Variants in ACSL6 observed in about 807,000 individuals in gnomAD.
ACSL6 encodes the protein long-chain-fatty-acid--CoA ligase 6.
ACSL6 carries 47 observed loss-of-function variants against 98.2 expected under a neutral mutation model. That is an observed-to-expected ratio of 0.48 (90% CI 0.38 to 0.61). ACSL6 has a LOEUF of 0.61. ACSL6 is among the 20% of genes least tolerant of loss of function. The probability of loss-of-function intolerance (pLI) is 0.00; values close to 1 mark genes in which losing one functional copy is unlikely to be tolerated. For missense variants in ACSL6, 761 were observed against 913.4 expected, an observed-to-expected ratio of 0.83 and a Z score of 2.15; for synonymous variants, 362 against 336.9, an observed-to-expected ratio of 1.07 and a Z score of -0.82.
chr5:131,971,757 G>A, intron 13 of ACSL6, 112 bp from the exon 14 acceptor site: 1 of 842,220 alleles, frequency 1.2e-6, no homozygotes, highest in Non-Finnish European at 1.8e-6. Flanking sequence ...CTGGATGCTA[G>A]GGCTGGGATC....
At chr5:131,971,289 G>C (rs1262980391) in intron 14 of ACSL6, among the ~76,000 whole-genome samples, 1 of 152,164 alleles carries the variant, frequency 6.6e-6, no homozygotes, top group Non-Finnish European at 1.5e-5. Context: ...TGGTTTGTCT[G>C]ATCCCTTTGC....
At chr5:132,011,894 C>T (rs1225846698), upstream of ACSL6, 5 of 1,551,048 alleles carry the variant, frequency 3.2e-6, no homozygotes, top group Admixed American at 9.8e-5. This position sits in a 1 kb window ranked among gnomAD's most constrained non-coding sequence, Gnocchi z 5.4. Context: ...CTCTCCGGCC[C>T]CGCTCTCCAA....
intron 5 of ACSL6, 49 bp from the exon 6 acceptor site, chr5:131,988,953 G>C: frequency 1.3e-6 from 2 of 1,544,032 alleles, no homozygotes; most frequent in Non-Finnish European, 8.9e-7. Context: ...AGATTAGAGG[G>C]CTGTCCTGCC....
At chr5:131,968,324 G>A in intron 15 of ACSL6, 2 of 267,746 alleles carry the variant, frequency 7.5e-6, no homozygotes, top group Non-Finnish European at 7.0e-6. Flanking sequence ...TAGGATGGGG[G>A]GCATCAAACA....
In ACSL6 at chr5:131,994,142, G is replaced by A; in HGVS notation, c.159C>T (p.Thr53=). The change falls in exon 2 of 21, where the codon ACC becomes ACT. Residue 53 remains threonine, a synonymous_variant. Coordinates refer to ENST00000651883, the MANE Select transcript of ACSL6 (RefSeq NM_001009185.3). ...LGQFFRSLSA[T]TLVSMGALAA... ...CCAGGGCACCCATACTCACGAGGGTGGTGGCCGAGAGGCTGCGGAAAAACT... is the reference window on the plus strand; with the variant it reads ...CCAGGGCACCCATACTCACGAGGGTAGTGGCCGAGAGGCTGCGGAAAAACT... 2 of 1,614,242 alleles carry A rather than the reference G, an allele frequency of 1.2e-6. No individual in the cohort carries two copies. The highest frequency in any genetic ancestry group is 1.6e-4 in the Middle Eastern group (1 of 6,062).
chr5:132,008,127 C>G (rs1755511699), intron 1 of ACSL6, among the ~76,000 whole-genome samples: 1 of 152,220 alleles, frequency 6.6e-6, no homozygotes, highest in Non-Finnish European at 1.5e-5. Context: ...CAAATTCAGG[C>G]TTTCTTTGTG....
Position 131,994,020 on chromosome 5 carries a change from A to G in ACSL6, c.270+11T>C, listed in dbSNP as rs950245461. ...TACTTTCCGCAGTGGAACGTCTCCT[A>G]TCCTGCTCACCTCTACTTCTTCTGA... On this transcript the variant is annotated intron_variant, in intron 2 of 20. Coordinates refer to ENST00000651883, the MANE Select transcript of ACSL6 (RefSeq NM_001009185.3). The G allele has an allele frequency of 1.6e-5, 25 of 1,612,844 alleles. No individual in the cohort carries two copies. The highest frequency in any genetic ancestry group is 2.1e-5 in the Non-Finnish European group (25 of 1,179,796).
intron 9 of ACSL6, among the ~76,000 whole-genome samples, chr5:131,980,056 C>T (rs1390767491): frequency 2.0e-5 from 3 of 152,098 alleles, no homozygotes; most frequent in East Asian, 1.9e-4. Flanking sequence ...ACAGCAGCTG[C>T]GGATGGACTT....
intron 1 of ACSL6, among the ~76,000 whole-genome samples, chr5:131,998,836 T>C (rs80031344): frequency 6.6e-6 from 1 of 152,172 alleles, no homozygotes; most frequent in African/African-American, 2.4e-5. Context: ...AGAAACCTTA[T>C]CTGGCTTCCT....
rs564220840 is a variant in ACSL6, at chr5:131,963,241, C to G, written c.1714-563G>C. On this transcript the variant is annotated intron_variant, in intron 17 of 20. Transcript: ENST00000651883. ...AGGAGCCCAGGCCCCTGTAGGACTT[C>G]TGCAGCAGGCAGATCACCTCCTTGG... Among the ~76,000 whole-genome samples, 6 of 152,304 alleles carry G rather than the reference C, an allele frequency of 3.9e-5. No individual in the cohort carries two copies. The South Asian group carries it at 1.2e-3, about 32-fold the overall frequency.
intron 16 of ACSL6, 44 bp from the exon 17 acceptor site, chr5:131,966,576 AAT>A: frequency 6.4e-7 from 1 of 1,560,066 alleles, no homozygotes; most frequent in African/African-American, 1.4e-5. Flanking sequence ...CATCATGAGG[AAT>A]CAGGAGATGG....
chr5:131,990,984 G>A lies in ACSL6; in HGVS notation c.271-17C>T, dbSNP rs760125402. ...GCCACTGTCCTACAAGCCAAGCACC[G>A]GCCAGAGAAGTTGGCTGAGGCAGGT... On this transcript the variant is annotated splice_polypyrimidine_tract_variant and intron_variant, in intron 2 of 20. Transcript: ENST00000651883. 2.1e-5 allele frequency: 34 copies of A among 1,612,310 alleles called. No homozygotes were observed. Among genetic ancestry groups the A allele is most frequent in the African/African-American group, 4.0e-5 (3 of 74,872 alleles).
chr5:131,996,207 C>T (rs1580689788), intron 1 of ACSL6, among the ~76,000 whole-genome samples: 1 of 152,332 alleles, frequency 6.6e-6, no homozygotes, highest in East Asian at 1.9e-4. Context: ...TGAGACCATC[C>T]TGGAGGAACA....
chr5:131,971,212 G>A (rs557900158), intron 14 of ACSL6, among the ~76,000 whole-genome samples: 1 of 152,304 alleles, frequency 6.6e-6, no homozygotes, highest in Admixed American at 6.5e-5. Flanking sequence ...ATATTTTGCA[G>A]GCTGAAGAAG....
At chr5:131,978,582 T>C (rs1753745590) in intron 9 of ACSL6, among the ~76,000 whole-genome samples, 3 of 152,174 alleles carry the variant, frequency 2.0e-5, no homozygotes, top group Admixed American at 1.3e-4. Flanking sequence ...TGAAGTGTAC[T>C]GATTCCTATT....
At chr5:131,998,033 T>G (rs1325992908) in intron 1 of ACSL6, among the ~76,000 whole-genome samples, 1 of 152,118 alleles carries the variant, frequency 6.6e-6, no homozygotes, top group Non-Finnish European at 1.5e-5. Context: ...TGGTCTCATC[T>G]CATTATTTCA....
intron 5 of ACSL6, among the ~76,000 whole-genome samples, 194 bp downstream of exon 5, chr5:131,989,213 G>A (rs1379988154): frequency 6.6e-6 from 1 of 152,236 alleles, no homozygotes; most frequent in East Asian, 1.9e-4. Context: ...GGTGGGGTGT[G>A]GATGGAGCAT....
chr5:131,985,167 C>G, intron 9 of ACSL6: 1 of 546,464 alleles, frequency 1.8e-6, no homozygotes, highest in East Asian at 3.1e-5. Flanking sequence ...TCTGCTGACT[C>G]AGCTCTGGGA....
chr5:131,951,462 T>C lies in ACSL6; in HGVS notation c.*2772A>G. ...AAGATATTTAGGGTACACTATTTAC[T>C]TTTCTCAGCACATCTGAACTAACCC... On this transcript the variant is annotated 3_prime_UTR_variant, in exon 21 of 21. Coordinates refer to ENST00000651883, the MANE Select transcript of ACSL6 (RefSeq NM_001009185.3). The C allele has an allele frequency of 4.9e-6, 1 of 205,206 alleles. No individual in the cohort carries two copies. Among genetic ancestry groups the C allele is most frequent in the Non-Finnish European group, 1.0e-5 (1 of 100,326 alleles). 12.7% of individuals were successfully genotyped at this position (205,206 alleles called of 1,614,324 possible).
Sources: allele counts gnomAD v4.1 joint callset (sites outside exome capture counted in the v4.1 genomes callset), GRCh38; gene constraint gnomAD v4.1.1; non-coding constraint Gnocchi (gnomAD v3.1); transcripts MANE v1.5; gene names NCBI Gene and HGNC (gene_info 2026-07-23, HGNC 2026-07-21).